Variants in RAB8B observed in about 807,000 individuals in gnomAD.
RAB8B encodes ras-related protein Rab-8B.
Under a neutral mutation model 32.0 loss-of-function variants are expected in RAB8B, and 11 were observed. That is an observed-to-expected ratio of 0.34 (90% CI 0.22 to 0.57). The LOEUF (loss-of-function observed/expected upper bound fraction) is 0.57. RAB8B is among the 20% of genes least tolerant of loss of function. The pLI, the probability that RAB8B is intolerant of heterozygous loss-of-function variation, is 0.86. For synonymous variants in RAB8B, 103 were observed against 89.6 expected, an observed-to-expected ratio of 1.15 and a Z score of -0.85; for missense variants, 190 against 258.5, an observed-to-expected ratio of 0.73 and a Z score of 1.82.
At chr15:63,208,893 ATTT>A (rs58629991) in intron 1 of RAB8B, among the ~76,000 whole-genome samples, 7 of 133,488 alleles carry the variant, frequency 5.2e-5, no homozygotes, top group Non-Finnish European at 6.4e-5. Context: ...TCCCACGATA[ATTT>A]TTTTTTTTTT....
chr15:63,243,991 A>T (rs956500710), intron 1 of RAB8B, among the ~76,000 whole-genome samples: 1 of 152,144 alleles, frequency 6.6e-6, no homozygotes. Context: ...CAAGATAACT[A>T]ACTCACTCCT....
rs546572132 is a variant in RAB8B at position 63,200,545 on chromosome 15, T to TGGGAGGCC, written c.124+10798_124+10805dup. Reference sequence around the variant, plus strand: ...GCTCACGCATGCAATCCCAGCACTTTGGGAGGCCAAGGAGGGAGTATCCCT... The same window carrying TGGGAGGCC: ...GCTCACGCATGCAATCCCAGCACTTTGGGAGGCCGGGAGGCCAAGGAGGGAGTATCCCT... On this transcript the variant is annotated intron_variant, in intron 1 of 7. Transcript: ENST00000321437. Among the ~76,000 whole-genome samples, 20 of 151,914 alleles carry TGGGAGGCC rather than the reference T, an allele frequency of 1.3e-4. No homozygotes were observed. The South Asian group carries it at 4.2e-3, about 32-fold the overall frequency.
At chr15:63,199,644 A>G (rs957143004) in intron 1 of RAB8B, among the ~76,000 whole-genome samples, 20 of 152,144 alleles carry the variant, frequency 1.3e-4, no homozygotes, top group African/African-American at 4.8e-4. Context: ...TCAGCGTTCA[A>G]CTTTGGGTTT....
At chr15:63,197,126 G>A (rs1009023016) in intron 1 of RAB8B, among the ~76,000 whole-genome samples, 4 of 151,846 alleles carry the variant, frequency 2.6e-5, no homozygotes, top group African/African-American at 4.8e-5. Flanking sequence ...TGGACTGAGC[G>A]TTTGGGTTGA....
At chr15:63,239,410 G>GTTTT (rs71131153) in intron 1 of RAB8B, among the ~76,000 whole-genome samples, 11 of 120,878 alleles carry the variant, frequency 9.1e-5, no homozygotes, top group South Asian at 2.7e-4. Context: ...AATTTCCGAA[G>GTTTT]TTTTTTTTTT....
chr15:63,260,824 A>G (rs1193126007), intron 6 of RAB8B, among the ~76,000 whole-genome samples: 2 of 152,216 alleles, frequency 1.3e-5, no homozygotes, highest in Admixed American at 1.3e-4. Context: ...TAATACTGAT[A>G]GTTTCATAAA....
chr15:63,243,898 T>C (rs995817672), intron 1 of RAB8B, among the ~76,000 whole-genome samples: 9 of 152,172 alleles, frequency 5.9e-5, no homozygotes, highest in Non-Finnish European at 8.8e-5. Context: ...CATTATCTCA[T>C]GCTGGAAGAC....
At chr15:63,227,637 G>A (rs1567014807) in intron 1 of RAB8B, among the ~76,000 whole-genome samples, 1 of 152,168 alleles carries the variant, frequency 6.6e-6, no homozygotes, top group Non-Finnish European at 1.5e-5. Context: ...TGTCCACCCA[G>A]GAACCCAGAA....
chr15:63,253,509 G>C (rs2038133555), intron 3 of RAB8B, among the ~76,000 whole-genome samples: 1 of 152,088 alleles, frequency 6.6e-6, no homozygotes, highest in Admixed American at 6.6e-5. Flanking sequence ...AAGTGGATTA[G>C]AGGAGGCTAA....
intron 1 of RAB8B, among the ~76,000 whole-genome samples, chr15:63,232,388 A>T (rs1352339867): frequency 6.6e-6 from 1 of 152,214 alleles, no homozygotes; most frequent in Admixed American, 6.5e-5. Context: ...ATGCATGTTT[A>T]TGGCTCAAAG....
chr15:63,252,909 C>G (rs1202699096), intron 3 of RAB8B, among the ~76,000 whole-genome samples: 1 of 152,110 alleles, frequency 6.6e-6, no homozygotes, highest in Non-Finnish European at 1.5e-5. Flanking sequence ...TCACCATGCT[C>G]AGCTAATTTT....
chr15:63,251,289 A>G (rs1268574429), intron 3 of RAB8B: 1 of 455,950 alleles, frequency 2.2e-6, no homozygotes, highest in African/African-American at 2.0e-5. Context: ...CCCAGGAAGG[A>G]ATTTTAGGGA....
In RAB8B at chr15:63,263,624, C is replaced by A; in HGVS notation, c.*5C>A. On this transcript the variant is annotated 3_prime_UTR_variant, in exon 8 of 8. Coordinates refer to ENST00000321437, the MANE Select transcript of RAB8B (RefSeq NM_016530.3). ...TTTCGTTGCTCGCTACTTTGATGAA[C>A]TCTTTCTGAGAGACTGCAGCACACC... is the stretch of plus-strand genomic sequence containing the variant. 6.3e-7 allele frequency: 1 copy of A among 1,597,186 alleles called. No homozygotes were observed. The highest frequency in any genetic ancestry group is 8.6e-7 in the Non-Finnish European group (1 of 1,164,634).
Position 63,259,526 on chromosome 15 carries a change from A to G in RAB8B, c.415-101A>G. 1.0e-6 allele frequency: 1 copy of G among 975,178 alleles called. No homozygotes were observed. Among genetic ancestry groups the G allele is most frequent in the Non-Finnish European group, 1.6e-6 (1 of 640,188 alleles). The allele number at this position is 975,178 out of a possible 1,614,324, so 60.4% of individuals were successfully genotyped here. ...TTGAGAACCACAGGAGTTCTGAAAT[A>G]GATACCCTACCTTTGAGACTTTGAA... On this transcript the variant is annotated intron_variant, in intron 5 of 7. Coordinates refer to ENST00000321437, the MANE Select transcript of RAB8B (RefSeq NM_016530.3). The surrounding 1 kb of genome is among the most constrained non-coding windows in gnomAD (Gnocchi z 4.4).
chr15:63,208,693 G>T (rs931822709), intron 1 of RAB8B, among the ~76,000 whole-genome samples: 1 of 152,002 alleles, frequency 6.6e-6, no homozygotes, highest in African/African-American at 2.4e-5. Context: ...TGTCTTTCCT[G>T]ATGTTCCTCA....
intron 4 of RAB8B, among the ~76,000 whole-genome samples, chr15:63,256,226 A>G (rs1004723040): frequency 3.3e-5 from 5 of 152,196 alleles, no homozygotes; most frequent in Non-Finnish European, 4.4e-5. Flanking sequence ...TTTGACCTGA[A>G]TATTTGGAAA....
chr15:63,248,183 C>A lies in RAB8B; in HGVS notation c.186-1462C>A, dbSNP rs73443228. Among the ~76,000 whole-genome samples the A allele has an allele frequency of 0.013, 1,929 of 152,258 alleles. 39 individuals are homozygous for A. The highest frequency in any genetic ancestry group is 0.045 in the African/African-American group (1,861 of 41,548). On this transcript the variant is annotated intron_variant, in intron 2 of 7. Transcript: ENST00000321437. This position sits in a 1 kb window ranked among gnomAD's most constrained non-coding sequence, Gnocchi z 4.4. The stretch of plus-strand genomic sequence containing the variant: ...CTTTTTTGTAAGGCCTGGCCCAGAG[C>A]TGAACAGCTGAGACCTAAGATGCTT...
At chr15:63,198,169 A>T (rs1231914409) in intron 1 of RAB8B, among the ~76,000 whole-genome samples, 1 of 152,108 alleles carries the variant, frequency 6.6e-6, no homozygotes, top group African/African-American at 2.4e-5. Flanking sequence ...GTTGCTTGGG[A>T]CTTCCTTTGG....
Position 63,265,189 on chromosome 15 carries a change from G to T in RAB8B, c.*1570G>T, listed in dbSNP as rs1350647601. 6.6e-6 allele frequency: 1 copy of T among 152,388 alleles called. No homozygotes were observed. Among genetic ancestry groups the T allele is most frequent in the Non-Finnish European group, 1.5e-5 (1 of 68,040 alleles). The allele number at this position is 152,388 out of a possible 1,614,324, so 9.4% of individuals were successfully genotyped here. A position where few individuals can be genotyped will look rare whatever the true frequency, so the allele number is the denominator to read the frequency against. ...GGATAGATAAGAACAGGAGATGGCAGTGGAAAGGGATTGCTTGTTACCACA... is the reference window on the plus strand; with the variant it reads ...GGATAGATAAGAACAGGAGATGGCATTGGAAAGGGATTGCTTGTTACCACA... On this transcript the variant is annotated 3_prime_UTR_variant, in exon 8 of 8. Transcript: ENST00000321437. The surrounding 1 kb of genome is among the most constrained non-coding windows in gnomAD (Gnocchi z 4.9).
Sources: allele counts gnomAD v4.1 joint callset (sites outside exome capture counted in the v4.1 genomes callset), GRCh38; gene constraint gnomAD v4.1.1; non-coding constraint Gnocchi (gnomAD v3.1); transcripts MANE v1.5; gene names NCBI Gene and HGNC (gene_info 2026-07-23, HGNC 2026-07-21).